The following TNNI3K variants were observed in gnomAD, a reference collection of about 807,000 sequenced individuals.
TNNI3K encodes TNNI3 interacting kinase, also known as serine/threonine-protein kinase TNNI3K.
A neutral mutation model predicts 114.5 loss-of-function variants in TNNI3K; 140 were observed. The ratio of observed to expected loss-of-function variants is 1.22; its 90% CI spans 1.07 to 1.41. The LOEUF is 1.41. TNNI3K is among the 40% of genes most tolerant of loss of function. The pLI, the probability that TNNI3K is intolerant of heterozygous loss-of-function variation, is 0.00. For missense variants in TNNI3K, 1,125 were observed against 1,007.6 expected (o/e 1.12, Z -1.58); for synonymous variants, 347 against 347.5 (o/e 1.00, Z 0.02).
In TNNI3K at chr1:74,373,930, C is replaced by T. The variant is rs188322491; in HGVS notation, c.1772+3538C>T. The T allele has an allele frequency of 2.0e-5, 3 of 152,050 alleles. No homozygotes were observed. In the East Asian group the frequency reaches 5.8e-4, roughly 30 times the overall value. 9.4% of individuals were successfully genotyped at this position (152,050 alleles called of 1,614,324 possible). A position where few individuals can be genotyped will look rare whatever the true frequency, so the allele number is the denominator to read the frequency against. On this transcript the variant is annotated intron_variant, in intron 17 of 24. Transcript: ENST00000326637. ...CTGCAGGGGATTGGTTCCAGGACCT[C>T]TCATGGATACCAAAGTCTGAGAATG...
At chr1:74,328,642 A>G (rs1169365751) in intron 5 of TNNI3K, among the ~76,000 whole-genome samples, 1 of 152,144 alleles carries the variant, frequency 6.6e-6, no homozygotes, top group African/African-American at 2.4e-5. Context: ...ACATTTTGAC[A>G]CTTTCTCAGA....
chr1:74,376,447 G>A (rs927492473), intron 17 of TNNI3K, among the ~76,000 whole-genome samples: 1 of 151,906 alleles, frequency 6.6e-6, no homozygotes, highest in Non-Finnish European at 1.5e-5. Context: ...ATCATCTTCA[G>A]GAGACTTCTG....
chr1:74,296,496 C>A (rs183220720), intron 5 of TNNI3K, among the ~76,000 whole-genome samples: 1 of 151,862 alleles, frequency 6.6e-6, no homozygotes. Flanking sequence ...CATATATTTA[C>A]CCTTTCCATA....
intron 17 of TNNI3K, among the ~76,000 whole-genome samples, chr1:74,415,078 C>G (rs2100620444): frequency 6.6e-6 from 1 of 152,266 alleles, no homozygotes; most frequent in South Asian, 2.1e-4. Flanking sequence ...TTTACTCTAT[C>G]CCAGCCACGA....
At chr1:74,311,882 A>G (rs1659015163) in intron 5 of TNNI3K, among the ~76,000 whole-genome samples, 1 of 152,352 alleles carries the variant, frequency 6.6e-6, no homozygotes, top group Admixed American at 6.5e-5. Context: ...TACAAACTTT[A>G]TAACATTCTG....
At chr1:74,479,964 G>T (rs950669547) in intron 21 of TNNI3K, among the ~76,000 whole-genome samples, 1 of 152,214 alleles carries the variant, frequency 6.6e-6, no homozygotes, top group Non-Finnish European at 1.5e-5. Flanking sequence ...CTCTATGTTA[G>T]ACAGCTTCCC....
chr1:74,396,740 C>T (rs1384388599), intron 17 of TNNI3K, among the ~76,000 whole-genome samples: 2 of 152,136 alleles, frequency 1.3e-5, no homozygotes, highest in Non-Finnish European at 2.9e-5. Context: ...GAGTCCACTC[C>T]TAGGGCACAG....
At chr1:74,511,624 C>G (rs1294231942) in intron 23 of TNNI3K, among the ~76,000 whole-genome samples, 1 of 151,938 alleles carries the variant, frequency 6.6e-6, no homozygotes, top group East Asian at 1.9e-4. Context: ...ATTGGACACC[C>G]AATGATGGAT....
chr1:74,467,131 GA>G (rs1167540223), intron 21 of TNNI3K, among the ~76,000 whole-genome samples: 1 of 152,142 alleles, frequency 6.6e-6, no homozygotes, highest in Non-Finnish European at 1.5e-5. Flanking sequence ...TGGTGAGAAA[GA>G]AAAACAGTCT....
chr1:74,483,400 T>C, intron 21 of TNNI3K: 2 of 714,940 alleles, frequency 2.8e-6, no homozygotes, highest in South Asian at 1.5e-5. Context: ...GAGGGCAATG[T>C]ATATCATAAT....
intron 5 of TNNI3K, among the ~76,000 whole-genome samples, chr1:74,305,902 G>C (rs187343698): frequency 2.6e-5 from 4 of 151,716 alleles, no homozygotes; most frequent in Admixed American, 2.6e-4. Flanking sequence ...TTAGTTTCAG[G>C]GGGCACATGT....
intron 21 of TNNI3K, chr1:74,471,322 G>C (rs976885110): frequency 3.2e-5 from 13 of 400,572 alleles, no homozygotes; most frequent in African/African-American, 2.7e-4. Context: ...AAAATCTGCA[G>C]AACACACAGT....
chr1:74,377,701 T>A (rs1435929830), intron 17 of TNNI3K, among the ~76,000 whole-genome samples: 1 of 152,022 alleles, frequency 6.6e-6, no homozygotes, highest in African/African-American at 2.4e-5. Flanking sequence ...ATATTAAAAC[T>A]TTTATTTCTG....
At chr1:74,269,792 G>T (rs1274327949) in intron 4 of TNNI3K, among the ~76,000 whole-genome samples, 1 of 151,762 alleles carries the variant, frequency 6.6e-6, no homozygotes, top group Admixed American at 6.6e-5. Context: ...GAGAAGTCAG[G>T]ACCAAAGATG....
chr1:74,399,575 C>T (rs1279682797), intron 17 of TNNI3K, among the ~76,000 whole-genome samples: 3 of 143,252 alleles, frequency 2.1e-5, no homozygotes, highest in Non-Finnish European at 4.6e-5. Context: ...TGGGTGGGGC[C>T]GGGGGGCGGG....
At chr1:74,372,650 C>G (rs1205909713) in intron 17 of TNNI3K, 1 of 151,772 alleles carries the variant, frequency 6.6e-6, no homozygotes, top group East Asian at 1.9e-4. Context: ...AGAGTATTAT[C>G]TTTCCATCCC....
At chr1:74,346,980 C>A (rs989192430) in intron 9 of TNNI3K, among the ~76,000 whole-genome samples, 8 of 150,666 alleles carry the variant, frequency 5.3e-5, no homozygotes, top group Admixed American at 5.3e-4. Context: ...AATTAAATAC[C>A]TATTTATTTA....
intron 17 of TNNI3K, among the ~76,000 whole-genome samples, chr1:74,413,346 A>G (rs188139876): frequency 2.6e-5 from 4 of 152,334 alleles, no homozygotes; most frequent in African/African-American, 9.6e-5. Flanking sequence ...TCTTCTCAAT[A>G]CAGTCACACA....
At chr1:74,510,157 CCT>C (rs145430580) in intron 23 of TNNI3K, among the ~76,000 whole-genome samples, 11,771 of 152,082 alleles carry the variant, frequency 0.077, 1,059 homozygotes, top group African/African-American at 0.22. Context: ...TTTCTTACCC[CCT>C]GATTTTTACT....
Sources: gnomAD v4.1 joint callset for allele counts (sites outside exome capture counted in the v4.1 genomes callset) on GRCh38, gnomAD v4.1.1 for gene constraint, MANE v1.5 for transcripts, NCBI Gene and HGNC (gene_info 2026-07-23, HGNC 2026-07-21) for gene names.